TNIK: variants seen among roughly 807,000 people sequenced by gnomAD.
TNIK encodes TRAF2 and NCK interacting kinase.
TNIK carries 49 observed loss-of-function variants against 191.3 expected under a neutral mutation model. The ratio of observed to expected loss-of-function variants is 0.26; its 90% confidence interval spans 0.20 to 0.32. TNIK has a LOEUF of 0.32. Among genes scored for constraint, TNIK ranks in the 10% least tolerant of loss-of-function variants. The pLI, the probability that TNIK is intolerant of heterozygous loss-of-function variation, is 1.00. For synonymous variants in TNIK, 594 were observed against 600.9 expected, an observed-to-expected ratio of 0.99 and a Z score of 0.17; for missense variants, 1,155 against 1,702.3, an observed-to-expected ratio of 0.68 and a Z score of 5.66.
intron 2 of TNIK, among the ~76,000 whole-genome samples, chr3:171,266,284 A>C (rs543681716): frequency 1.1e-3 from 168 of 152,342 alleles, no homozygotes; most frequent in African/African-American, 3.9e-3. Flanking sequence ...TTAAATTGTC[A>C]TTCACCACCC....
chr3:171,420,421 G>C (rs1468186769), intron 1 of TNIK, among the ~76,000 whole-genome samples: 1 of 152,134 alleles, frequency 6.6e-6, no homozygotes, highest in Non-Finnish European at 1.5e-5. Flanking sequence ...CAGCACTTCT[G>C]AGGCCCAGTT....
chr3:171,069,715 T>G (rs1718939371), intron 29 of TNIK, among the ~76,000 whole-genome samples: 1 of 152,246 alleles, frequency 6.6e-6, no homozygotes, highest in Non-Finnish European at 1.5e-5. Flanking sequence ...CAAGTGTTCC[T>G]CTGCCATTTT....
chr3:171,287,409 A>G (rs1031516350), intron 2 of TNIK, among the ~76,000 whole-genome samples: 3 of 152,192 alleles, frequency 2.0e-5, no homozygotes, highest in Non-Finnish European at 4.4e-5. Context: ...ACTCTAGAAT[A>G]AGAACATTTA....
chr3:171,079,184 C>CT (rs549607011), intron 28 of TNIK, among the ~76,000 whole-genome samples: 5 of 152,166 alleles, frequency 3.3e-5, no homozygotes, highest in Non-Finnish European at 7.3e-5. Flanking sequence ...CTCAGCTACT[C>CT]TTTCGATTTT....
At chr3:171,451,995 C>G (rs1728225219) in intron 1 of TNIK, among the ~76,000 whole-genome samples, 1 of 152,152 alleles carries the variant, frequency 6.6e-6, no homozygotes, top group African/African-American at 2.4e-5. Flanking sequence ...TTGTTAAAGT[C>G]TACAAATTTC....
At chr3:171,417,112 A>C (rs764957359) in intron 1 of TNIK, among the ~76,000 whole-genome samples, 1 of 152,236 alleles carries the variant, frequency 6.6e-6, no homozygotes, top group Non-Finnish European at 1.5e-5. Context: ...TACATCTTTC[A>C]GATTTTGGAA....
chr3:171,156,243 T>C (rs1295534320), intron 12 of TNIK, among the ~76,000 whole-genome samples: 2 of 152,242 alleles, frequency 1.3e-5, no homozygotes, highest in Non-Finnish European at 2.9e-5. Context: ...GTTGCTGGTC[T>C]GATACTGATA....
chr3:171,087,592 CG>C (rs2108389791), intron 23 of TNIK, 86 bp from the exon 24 acceptor site: 1 of 1,469,578 alleles, frequency 6.8e-7, no homozygotes, highest in South Asian at 1.3e-5. Flanking sequence ...CATAGGCATA[CG>C]GGGCTCCAAA....
At chr3:171,330,139 T>C (rs1027457749) in intron 2 of TNIK, among the ~76,000 whole-genome samples, 24 of 152,250 alleles carry the variant, frequency 1.6e-4, no homozygotes, top group African/African-American at 5.8e-4. Flanking sequence ...CTTCCTTCGA[T>C]AGACCTAGGT....
chr3:171,271,039 T>G (rs1394667980), intron 2 of TNIK, among the ~76,000 whole-genome samples: 7 of 152,214 alleles, frequency 4.6e-5, no homozygotes, highest in African/African-American at 1.7e-4. Flanking sequence ...TCACTCACTC[T>G]GCATCCTCTG....
chr3:171,337,404 G>C (rs1757064782), intron 2 of TNIK, among the ~76,000 whole-genome samples: 1 of 152,236 alleles, frequency 6.6e-6, no homozygotes, highest in Admixed American at 6.5e-5. Flanking sequence ...CAAAGATGAG[G>C]AAGGGACATG....
rs748702242 is a variant in TNIK, at chr3:171,460,326, G to A, written c.-263C>T. The A allele has an allele frequency of 3.7e-5, 21 of 564,390 alleles. No homozygotes were observed. The highest frequency in any genetic ancestry group is 6.3e-5 in the Non-Finnish European group (20 of 318,550). 35.0% of individuals were successfully genotyped at this position (564,390 alleles called of 1,614,324 possible). A position where few individuals can be genotyped will look rare whatever the true frequency, so the allele number is the denominator to read the frequency against. On this transcript the variant is annotated 5_prime_UTR_variant, in exon 1 of 33. Coordinates refer to ENST00000436636, the MANE Select transcript of TNIK (RefSeq NM_015028.4). This position sits in a 1 kb window ranked among gnomAD's most constrained non-coding sequence, Gnocchi z 6.8. The stretch of plus-strand genomic sequence containing the variant: ...GGGCTGAGCGCCCCGATCGGCTAAG[G>A]GCGCTGGGGCTGCGTGGGTGTATTT...
intron 9 of TNIK, among the ~76,000 whole-genome samples, chr3:171,167,937 G>T (rs1391053734): frequency 1.3e-5 from 2 of 152,156 alleles, no homozygotes; most frequent in African/African-American, 4.8e-5. Context: ...AAGTATATGT[G>T]TACCTTTGTC....
chr3:171,369,559 G>A, intron 2 of TNIK, 61 bp downstream of exon 2: 2 of 1,408,208 alleles, frequency 1.4e-6, no homozygotes, highest in South Asian at 1.3e-5. Context: ...AGACAGCACT[G>A]CAATTTGTCA....
intron 23 of TNIK, among the ~76,000 whole-genome samples, chr3:171,089,239 G>A (rs1323320444): frequency 6.6e-6 from 1 of 152,150 alleles, no homozygotes; most frequent in African/African-American, 2.4e-5. Context: ...TTTTGTCACA[G>A]TGGCCATCAG....
At chr3:171,163,735 A>G (rs2108745180) in intron 10 of TNIK, among the ~76,000 whole-genome samples, 1 of 152,336 alleles carries the variant, frequency 6.6e-6, no homozygotes, top group African/African-American at 2.4e-5. Flanking sequence ...AAAGAAGCAC[A>G]CAATTATTCC....
At chr3:171,179,150 T>C (rs1303787809) in intron 7 of TNIK, among the ~76,000 whole-genome samples, 1 of 152,218 alleles carries the variant, frequency 6.6e-6, no homozygotes, top group African/African-American at 2.4e-5. Context: ...GCAATGCACC[T>C]TCACAACACC....
intron 4 of TNIK, among the ~76,000 whole-genome samples, chr3:171,204,407 G>C (rs1168389994): frequency 6.6e-6 from 1 of 152,208 alleles, no homozygotes; most frequent in Non-Finnish European, 1.5e-5. Flanking sequence ...ATGCAAACCT[G>C]TCCTCCAGCC....
chr3:171,258,576 A>G (rs1410119975), intron 2 of TNIK, among the ~76,000 whole-genome samples: 1 of 152,192 alleles, frequency 6.6e-6, no homozygotes, highest in Non-Finnish European at 1.5e-5. Context: ...ACCAGTAAAG[A>G]AAAGCCAAGT....
Sources: allele counts gnomAD v4.1 joint callset (sites outside exome capture counted in the v4.1 genomes callset), GRCh38; gene constraint gnomAD v4.1.1; non-coding constraint Gnocchi (gnomAD v3.1); transcripts MANE v1.5; gene names NCBI Gene and HGNC (gene_info 2026-07-23, HGNC 2026-07-21).